FRMD8: variants seen among roughly 807,000 people sequenced by gnomAD.
The protein encoded by FRMD8 is FERM domain containing 8.
Under a neutral mutation model 54.2 loss-of-function variants are expected in FRMD8, and 37 were observed. That is an observed-to-expected ratio of 0.68 (90% CI 0.53 to 0.90). The LOEUF is 0.90. FRMD8 is among the 40% of genes least tolerant of loss of function. The pLI is 0.00. For synonymous variants in FRMD8, 246 were observed against 286.9 expected, an observed-to-expected ratio of 0.86 and a Z score of 1.44; for missense variants, 585 against 653.7, an observed-to-expected ratio of 0.89 and a Z score of 1.15.
Position 65,412,755 on chromosome 11 carries a change from G to C in FRMD8, c.*1395G>C, listed in dbSNP as rs972530856. The C allele has an allele frequency of 1.3e-5, 2 of 152,248 alleles. No homozygotes were observed. Among genetic ancestry groups the C allele is most frequent in the Admixed American group, 6.5e-5 (1 of 15,282 alleles). 9.4% of individuals were successfully genotyped at this position (152,248 alleles called of 1,614,324 possible). On this transcript the variant is annotated 3_prime_UTR_variant, in exon 11 of 11. Transcript: ENST00000317568. ...CCTTTGGTAGCTTGTGAATGTGCCAGGTGTTTCGAGGTAGGCTTGCCTTCT... is the reference window on the plus strand; with the variant it reads ...CCTTTGGTAGCTTGTGAATGTGCCACGTGTTTCGAGGTAGGCTTGCCTTCT...
chr11:65,392,001 AC>A (rs1273298378), intron 3 of FRMD8, among the ~76,000 whole-genome samples: 11 of 152,084 alleles, frequency 7.2e-5, no homozygotes, highest in Non-Finnish European at 2.9e-5. Flanking sequence ...GAGCATGAGG[AC>A]CCCATGAGGG....
chr11:65,376,226 C>T, the FRMD8 span: 1 of 671,952 alleles, frequency 1.5e-6, no homozygotes, highest in Non-Finnish European at 2.5e-6. Flanking sequence ...GCTGCACAGG[C>T]CCCCTGGCTT....
At chr11:65,368,843 G>A in the FRMD8 span, among the ~76,000 whole-genome samples, 13 of 152,256 alleles carry the variant, frequency 8.5e-5, no homozygotes, top group East Asian at 2.1e-3. Context: ...GATTACAGGC[G>A]TGAGCCACCA....
At position 65,400,671 on chromosome 11, in the gene FRMD8, G is replaced by T; in HGVS notation, c.928-53G>T. Reference sequence around the variant, plus strand: ...AGGTGTCTGAGTGGGATGGGGTGGGGAGCAGACCTCTGCCCAGGGGTCAAG... The same window carrying T: ...AGGTGTCTGAGTGGGATGGGGTGGGTAGCAGACCTCTGCCCAGGGGTCAAG... On this transcript the variant is annotated intron_variant, in intron 8 of 10. Transcript: ENST00000317568. The surrounding 1 kb of genome is among the most constrained non-coding windows in gnomAD (Gnocchi z 4.3). 6.7e-7 allele frequency: 1 copy of T among 1,495,188 alleles called. No individual in the cohort carries two copies. Among genetic ancestry groups the T allele is most frequent in the South Asian group, 1.4e-5 (1 of 74,008 alleles). 92.6% of individuals were successfully genotyped at this position (1,495,188 alleles called of 1,614,324 possible). A position where few individuals can be genotyped will look rare whatever the true frequency, so the allele number is the denominator to read the frequency against.
rs771493477 is a variant in FRMD8, at chr11:65,387,108, C to T, written c.72C>T (p.Ser24=). The T allele has an allele frequency of 1.5e-5, 24 of 1,606,194 alleles. No homozygotes were observed. Among genetic ancestry groups the T allele is most frequent in the Non-Finnish European group, 1.8e-5 (21 of 1,179,956 alleles). ...GATCCCACCGAAGCAGCGTGTCCTCCGTGGGAGCCCGAGGTGGGTCCCACC... is the reference window on the plus strand; with the variant it reads ...GATCCCACCGAAGCAGCGTGTCCTCTGTGGGAGCCCGAGGTGGGTCCCACC... ...AERSHRSSVS[S]VGARAADVLV... The change falls in exon 2 of 11, where the codon TCC becomes TCT. Residue 24 remains serine, a synonymous_variant. Transcript: ENST00000317568.
At position 65,386,873 on chromosome 11, in the gene FRMD8, C is replaced by A. The variant is rs775112072; in HGVS notation, c.-1+112C>A. ...GTTCTTGACCGTAGCAACCCGCACC[C>A]CTCCCACCAGCGCCCGGTCTGCACT... is the stretch of plus-strand genomic sequence containing the variant. On this transcript the variant is annotated intron_variant, in intron 1 of 10. Coordinates refer to ENST00000317568, the MANE Select transcript of FRMD8 (RefSeq NM_031904.5). 77 of 655,784 alleles carry A rather than the reference C, an allele frequency of 1.2e-4. No individual in the cohort carries two copies. In the Middle Eastern group the frequency reaches 1.3e-3, roughly 11 times the overall value. 40.6% of individuals were successfully genotyped at this position (655,784 alleles called of 1,614,324 possible).
rs1318802928 is a variant in FRMD8, at chr11:65,412,622, C to G, written c.*1262C>G. 1 of 152,236 alleles carries G rather than the reference C, an allele frequency of 6.6e-6. No individual in the cohort carries two copies. The highest frequency in any genetic ancestry group is 2.4e-5 in the African/African-American group (1 of 41,442). 9.4% of individuals were successfully genotyped at this position (152,236 alleles called of 1,614,324 possible). ...CGGGTCTCACAGGTGCTTCCTGGGACTTCCTGTGGCTGCACAGGGCTTGGC... is the reference window on the plus strand; with the variant it reads ...CGGGTCTCACAGGTGCTTCCTGGGAGTTCCTGTGGCTGCACAGGGCTTGGC... On this transcript the variant is annotated 3_prime_UTR_variant, in exon 11 of 11. Coordinates refer to ENST00000317568, the MANE Select transcript of FRMD8 (RefSeq NM_031904.5).
rs568504253 is a variant in FRMD8, at chr11:65,402,674, T to G, written c.1071+1807T>G. ...GGATTTTTATTGAGATCGCATTGAT[T>G]ACTTCGGAGGTCATTGACCTCTTAA... is the stretch of plus-strand genomic sequence containing the variant. On this transcript the variant is annotated intron_variant, in intron 9 of 10. Coordinates refer to ENST00000317568, the MANE Select transcript of FRMD8 (RefSeq NM_031904.5). Among the ~76,000 whole-genome samples, 6 of 152,340 alleles carry G rather than the reference T, an allele frequency of 3.9e-5. No homozygotes were observed. The South Asian group carries it at 1.2e-3, about 32-fold the overall frequency.
At chr11:65,395,669 T>G (rs1176134990) in intron 6 of FRMD8, among the ~76,000 whole-genome samples, 1 of 152,246 alleles carries the variant, frequency 6.6e-6, no homozygotes, top group Non-Finnish European at 1.5e-5. Context: ...CTCCTTCATG[T>G]GGGGCGGGGG....
upstream of FRMD8, among the ~76,000 whole-genome samples, chr11:65,386,076 G>A (rs1341246330): frequency 6.6e-6 from 1 of 152,230 alleles, no homozygotes; most frequent in Non-Finnish European, 1.5e-5. Flanking sequence ...GATTACAGGC[G>A]TGAGCCACCG....
chr11:65,374,984 G>GAGAAAAAGAAAA, the FRMD8 span, among the ~76,000 whole-genome samples: 125,634 of 150,346 alleles, frequency 0.84, 52,908 homozygotes, highest in Non-Finnish European at 0.89. Context: ...AGAAAAAATA[G>GAGAAAAAGAAAA]AGAAAAAGAA....
At chr11:65,376,847 C>A in the FRMD8 span, 1 of 1,614,204 alleles carries the variant, frequency 6.2e-7, no homozygotes, top group Non-Finnish European at 8.5e-7. Context: ...TGTGTACTGG[C>A]GACAGAGCCC....
intron 7 of FRMD8, among the ~76,000 whole-genome samples, chr11:65,398,770 G>A (rs578249187): frequency 2.6e-5 from 4 of 152,346 alleles, no homozygotes; most frequent in Admixed American, 6.5e-5. Flanking sequence ...TCGGAGGGCT[G>A]GCCATCAGCT....
At position 65,396,780 on chromosome 11, in the gene FRMD8, T is replaced by A. The variant is rs747176362; in HGVS notation, c.582-19T>A. 1.4e-6 allele frequency: 2 copies of A among 1,476,572 alleles called. No individual in the cohort carries two copies. The highest frequency in any genetic ancestry group is 9.0e-7 in the Non-Finnish European group (1 of 1,109,500). 91.5% of individuals were successfully genotyped at this position (1,476,572 alleles called of 1,614,324 possible). On this transcript the variant is annotated intron_variant, in intron 6 of 10. Coordinates refer to ENST00000317568, the MANE Select transcript of FRMD8 (RefSeq NM_031904.5). ...CACCTCTGGTTGGGCCGCTAGCACC[T>A]GTCTTCCTTCCTCCACAGGGAGAAG...
chr11:65,400,408 A>G lies in FRMD8; in HGVS notation c.928-316A>G, dbSNP rs953818508. Among the ~76,000 whole-genome samples, 1 of 152,078 alleles carries G rather than the reference A, an allele frequency of 6.6e-6. No homozygotes were observed. The highest frequency in any genetic ancestry group is 1.5e-5 in the Non-Finnish European group (1 of 67,994). ...GGGAGGCAGGGCCCAGCTCAGCCTC[A>G]TGCTAGATGCCACGCCCGACCTCAT... On this transcript the variant is annotated intron_variant, in intron 8 of 10. Coordinates refer to ENST00000317568, the MANE Select transcript of FRMD8 (RefSeq NM_031904.5). This position sits in a 1 kb window ranked among gnomAD's most constrained non-coding sequence, Gnocchi z 4.3.
In FRMD8 at chr11:65,411,530, G is replaced by T. The variant is rs540302490; in HGVS notation, c.*170G>T. 4 of 514,076 alleles carry T rather than the reference G, an allele frequency of 7.8e-6. No homozygotes were observed. The highest frequency in any genetic ancestry group is 6.5e-5 in the East Asian group (2 of 30,556). The allele number at this position is 514,076 out of a possible 1,614,324, so 31.8% of individuals were successfully genotyped here. ...GACTTTTGGGCCCGGGGCCATGCCC[G>T]GGCTGTGCAAAGCTGGCCAGGGCCT... is the stretch of plus-strand genomic sequence containing the variant. On this transcript the variant is annotated 3_prime_UTR_variant, in exon 11 of 11. Transcript: ENST00000317568.
Position 65,400,673 on chromosome 11 carries a change from G to C in FRMD8, c.928-51G>C. 6.7e-7 allele frequency: 1 copy of C among 1,497,020 alleles called. No individual in the cohort carries two copies. Among genetic ancestry groups the C allele is most frequent in the Non-Finnish European group, 8.9e-7 (1 of 1,120,340 alleles). The allele number at this position is 1,497,020 out of a possible 1,614,324, so 92.7% of individuals were successfully genotyped here. A position where few individuals can be genotyped will look rare whatever the true frequency, so the allele number is the denominator to read the frequency against. On this transcript the variant is annotated intron_variant, in intron 8 of 10. Coordinates refer to ENST00000317568, the MANE Select transcript of FRMD8 (RefSeq NM_031904.5). The surrounding 1 kb of genome is among the most constrained non-coding windows in gnomAD (Gnocchi z 4.3). ...GTGTCTGAGTGGGATGGGGTGGGGA[G>C]CAGACCTCTGCCCAGGGGTCAAGCC...
Position 65,396,908 on chromosome 11 carries a change from C to T in FRMD8, c.691C>T (p.Leu231=), listed in dbSNP as rs1855969362. 3 of 1,556,386 alleles carry T rather than the reference C, an allele frequency of 1.9e-6. No homozygotes were observed. Among genetic ancestry groups the T allele is most frequent in the African/African-American group, 1.4e-5 (1 of 72,932 alleles). Residue 231 remains leucine (L), a synonymous_variant, in exon 7 of 11, where the codon CTG becomes TTG. Coordinates refer to ENST00000317568, the MANE Select transcript of FRMD8 (RefSeq NM_031904.5). The part of the protein sequence containing the change: ...ARAGPGEQGL[L]NAYRQVQEVS... ...GGCCGGGCCGGGCGAGCAGGGCCTGCTGAACGCCTACCGCCAGGTGCAGGA... is the reference window on the plus strand; with the variant it reads ...GGCCGGGCCGGGCGAGCAGGGCCTGTTGAACGCCTACCGCCAGGTGCAGGA...
the FRMD8 span, chr11:65,378,607 AT>A: frequency 4.6e-5 from 7 of 152,252 alleles, no homozygotes; most frequent in African/African-American, 1.7e-4. Context: ...TTAATCATTA[AT>A]TCATTTGAAG....
Sources: allele counts gnomAD v4.1 joint callset (sites outside exome capture counted in the v4.1 genomes callset), GRCh38; gene constraint gnomAD v4.1.1; non-coding constraint Gnocchi (gnomAD v3.1); transcripts MANE v1.5; gene names NCBI Gene and HGNC (gene_info 2026-07-23, HGNC 2026-07-21).